PARD6G: variants seen among roughly 807,000 people sequenced by gnomAD.
The protein encoded by PARD6G is par-6 family cell polarity regulator gamma, also known as partitioning defective 6 homolog gamma.
A neutral mutation model predicts 10.7 loss-of-function variants in PARD6G; 7 were observed. The ratio of observed to expected loss-of-function variants is 0.66; its 90% CI spans 0.37 to 1.23. The LOEUF (loss-of-function observed/expected upper bound fraction) is 1.23, where lower values mean the gene tolerates loss of function less well. PARD6G is among the 50% of genes most tolerant of loss of function. PARD6G has a pLI of 0.02. For missense variants in PARD6G, 548 were observed against 571.8 expected, an observed-to-expected ratio of 0.96 and a Z score of 0.42; for synonymous variants, 287 against 269.4, an observed-to-expected ratio of 1.07 and a Z score of -0.64.
chr18:80,221,343 T>C (rs962871792), intron 1 of PARD6G, among the ~76,000 whole-genome samples: 1 of 152,040 alleles, frequency 6.6e-6, no homozygotes, highest in Non-Finnish European at 1.5e-5. Flanking sequence ...TCTAGCAACA[T>C]ATAAAAAGGA....
At chr18:80,205,995 G>C (rs1967050475) in intron 1 of PARD6G, among the ~76,000 whole-genome samples, 1 of 152,200 alleles carries the variant, frequency 6.6e-6, no homozygotes, top group African/African-American at 2.4e-5. Context: ...AGGAACGCCA[G>C]GCCTCCCTGA....
At chr18:80,170,280 C>T (rs2052766902) in intron 2 of PARD6G, 1 of 152,264 alleles carries the variant, frequency 6.6e-6, no homozygotes, top group Non-Finnish European at 1.5e-5. Flanking sequence ...TTTATCTTTT[C>T]CAGAAAACTC....
At chr18:80,225,536 G>A (rs1346370229) in intron 1 of PARD6G, among the ~76,000 whole-genome samples, 2 of 152,270 alleles carry the variant, frequency 1.3e-5, no homozygotes, top group South Asian at 2.1e-4. Context: ...GTGCTGGCTC[G>A]ATTCCCTCCC....
At chr18:80,162,179 A>G (rs1440590818) in intron 2 of PARD6G, 1 of 152,098 alleles carries the variant, frequency 6.6e-6, no homozygotes, top group Non-Finnish European at 1.5e-5. Context: ...CATGCTGCTC[A>G]GTGACGGAAC....
chr18:80,208,172 G>A (rs1967072652), intron 1 of PARD6G, among the ~76,000 whole-genome samples: 1 of 151,920 alleles, frequency 6.6e-6, no homozygotes, highest in Non-Finnish European at 1.5e-5. Context: ...AGAAGATCAT[G>A]CACCAAAAAC....
In PARD6G at chr18:80,201,090, C is replaced by A. The variant is rs986163296; in HGVS notation, c.295+1620G>T. Among the ~76,000 whole-genome samples the A allele has an allele frequency of 6.6e-6, 1 of 152,182 alleles. No homozygotes were observed. Among genetic ancestry groups the A allele is most frequent in the Non-Finnish European group, 1.5e-5 (1 of 68,030 alleles). The stretch of plus-strand genomic sequence containing the variant: ...GCACAGCCAGGAACACACCCCCACC[C>A]TACGCTCCTGGTCGGGTGGAGACAG... On this transcript the variant is annotated intron_variant, in intron 2 of 2. Coordinates refer to ENST00000353265, the MANE Select transcript of PARD6G (RefSeq NM_032510.4). This position sits in a 1 kb window ranked among gnomAD's most constrained non-coding sequence, Gnocchi z 5.9.
chr18:80,188,994 C>T lies in PARD6G; in HGVS notation c.295+13716G>A, dbSNP rs1568432816. 1.3e-5 allele frequency among the ~76,000 whole-genome samples: 2 copies of T among 152,186 alleles called. No homozygotes were observed. The highest frequency in any genetic ancestry group is 2.1e-4 in the South Asian group (1 of 4,832). On this transcript the variant is annotated intron_variant, in intron 2 of 2. Transcript: ENST00000353265. This position sits in a 1 kb window ranked among gnomAD's most constrained non-coding sequence, Gnocchi z 5.4. ...GCAGCAAGGTAGGCGTTGCCCAGCC[C>T]GGGGTTGCCTGACACTCTCTGGGGC...
chr18:80,244,744 AT>A (rs1967525517), intron 1 of PARD6G, among the ~76,000 whole-genome samples: 1 of 152,136 alleles, frequency 6.6e-6, no homozygotes, highest in East Asian at 1.9e-4. Context: ...CCCAGACGCC[AT>A]TTTCCCCACA....
intron 2 of PARD6G, among the ~76,000 whole-genome samples, chr18:80,186,027 C>T (rs144131251): frequency 0.015 from 2,088 of 140,680 alleles, 18 homozygotes; most frequent in Non-Finnish European, 0.022. Flanking sequence ...CACGCATATA[C>T]CCTGACATGC....
chr18:80,163,083 C>T (rs1488547772), intron 2 of PARD6G, among the ~76,000 whole-genome samples: 1 of 152,154 alleles, frequency 6.6e-6, no homozygotes, highest in Non-Finnish European at 1.5e-5. Flanking sequence ...CGGGCTCTTC[C>T]CAAGGGGTCT....
At chr18:80,232,719 C>T (rs1373407316) in intron 1 of PARD6G, among the ~76,000 whole-genome samples, 2 of 152,130 alleles carry the variant, frequency 1.3e-5, no homozygotes. Flanking sequence ...CTACACCTGC[C>T]CCATCTCCAC....
At position 80,202,752 on chromosome 18, in the gene PARD6G, A is replaced by C; in HGVS notation, c.253T>G (p.Ser85Ala). 1 of 1,613,658 alleles carries C rather than the reference A, an allele frequency of 6.2e-7. No individual in the cohort carries two copies. Among genetic ancestry groups the C allele is most frequent in the South Asian group, 1.1e-5 (1 of 91,054 alleles). Residue 85 changes from serine (S) to alanine (A), a missense_variant, in exon 2 of 3, where the codon TCT (serine) becomes GCT (alanine). Around this residue, in one of 2 missense-constraint regions of PARD6G, gnomAD observed 235 missense variants for 291.9 expected, o/e 0.81. Coordinates refer to ENST00000353265, the MANE Select transcript of PARD6G (RefSeq NM_032510.4). ...ACCCTGAGCAGGGGATTTGCACTAG[A>C]AACCGCCTTGCAGAAGTTGTCATCA... is the stretch of plus-strand genomic sequence containing the variant. Reference protein sequence around the residue: ...NNDDNFCKAVSSANPLLRVFI... With the variant: ...NNDDNFCKAVASANPLLRVFI...
chr18:80,203,966 G>A (rs927616576), intron 1 of PARD6G, among the ~76,000 whole-genome samples: 2 of 152,052 alleles, frequency 1.3e-5, no homozygotes, highest in African/African-American at 4.8e-5. Flanking sequence ...TCATTAGGTG[G>A]TCCAGGTTTG....
chr18:80,239,013 G>A (rs900664401), intron 1 of PARD6G, among the ~76,000 whole-genome samples: 1 of 152,136 alleles, frequency 6.6e-6, no homozygotes, highest in Non-Finnish European at 1.5e-5. Flanking sequence ...CAAGTGAAAT[G>A]CTACACATGT....
At chr18:80,190,271 CA>C (rs11285235) in intron 2 of PARD6G, among the ~76,000 whole-genome samples, 128,933 of 152,170 alleles carry the variant, frequency 0.85, 54,790 homozygotes, top group Non-Finnish European at 0.87. Flanking sequence ...TGTGCACCGG[CA>C]AACAATCCGG....
intron 1 of PARD6G, among the ~76,000 whole-genome samples, chr18:80,233,306 T>C (rs984532039): frequency 5.3e-5 from 8 of 152,180 alleles, no homozygotes; most frequent in Non-Finnish European, 5.9e-5. Context: ...TGCCACCGCA[T>C]AGCCGGTGAC....
At chr18:80,179,374 G>A (rs2052835750) in intron 2 of PARD6G, among the ~76,000 whole-genome samples, 1 of 152,174 alleles carries the variant, frequency 6.6e-6, no homozygotes, top group Admixed American at 6.5e-5. Flanking sequence ...AAGCTCACAT[G>A]CCCTAGACTG....
At chr18:80,170,824 C>T (rs1253251961) in intron 2 of PARD6G, 2 of 152,178 alleles carry the variant, frequency 1.3e-5, no homozygotes, top group Non-Finnish European at 2.9e-5. Context: ...TTTCTGGACT[C>T]AGTGGACTCA....
chr18:80,234,728 G>T (rs1450085819), intron 1 of PARD6G, among the ~76,000 whole-genome samples: 1 of 152,116 alleles, frequency 6.6e-6, no homozygotes, highest in Non-Finnish European at 1.5e-5. Context: ...AGACTCACCA[G>T]TCACCAAGTC....
Sources: gnomAD v4.1 joint callset for allele counts (sites outside exome capture counted in the v4.1 genomes callset) on GRCh38, gnomAD v4.1.1 for gene constraint, gnomAD v4.1.1 regional missense constraint, Gnocchi (gnomAD v3.1) non-coding constraint, MANE v1.5 for transcripts, NCBI Gene and HGNC (gene_info 2026-07-23, HGNC 2026-07-21) for gene names.